ADRA1B: variants seen among roughly 807,000 people sequenced by gnomAD.
ADRA1B encodes the protein alpha-1B adrenergic receptor.
A neutral mutation model predicts 17.9 loss-of-function variants in ADRA1B; 17 were observed. The ratio of observed to expected loss-of-function variants is 0.95; its 90% CI spans 0.65 to 1.42. The LOEUF (loss-of-function observed/expected upper bound fraction) is 1.42, where lower values mean the gene tolerates loss of function less well. Among genes scored for constraint, ADRA1B ranks in the 40% most tolerant of loss-of-function variants. The pLI, the probability that ADRA1B is intolerant of heterozygous loss-of-function variation, is 0.00. For synonymous variants in ADRA1B, 366 were observed against 327.6 expected, an observed-to-expected ratio of 1.12 and a Z score of -1.27; for missense variants, 681 against 722.1, an observed-to-expected ratio of 0.94 and a Z score of 0.65.
chr5:159,959,189 G>T (rs1042790376), intron 1 of ADRA1B, among the ~76,000 whole-genome samples: 8 of 152,106 alleles, frequency 5.3e-5, no homozygotes, highest in Non-Finnish European at 1.5e-5. Flanking sequence ...TCTCTTTGAT[G>T]GTAAATAAAA....
At chr5:159,938,235 A>C (rs1351051378) in intron 1 of ADRA1B, among the ~76,000 whole-genome samples, 2 of 152,212 alleles carry the variant, frequency 1.3e-5, no homozygotes, top group African/African-American at 4.8e-5. Flanking sequence ...ATTCTGTTGA[A>C]GTATCTTGTA....
At chr5:159,943,236 GA>G (rs1755183131) in intron 1 of ADRA1B, among the ~76,000 whole-genome samples, 1 of 151,578 alleles carries the variant, frequency 6.6e-6, no homozygotes, top group African/African-American at 2.4e-5. Flanking sequence ...AATGAAAAAT[GA>G]AAAATAAAAA....
At chr5:159,878,640 C>T (rs1753826535) in intron 1 of ADRA1B, among the ~76,000 whole-genome samples, 1 of 152,138 alleles carries the variant, frequency 6.6e-6, no homozygotes, top group Non-Finnish European at 1.5e-5. Flanking sequence ...TAGGGAGTCT[C>T]CATTTTACAA....
At chr5:159,951,746 C>T (rs1450182922) in intron 1 of ADRA1B, among the ~76,000 whole-genome samples, 1 of 152,140 alleles carries the variant, frequency 6.6e-6, no homozygotes. Flanking sequence ...GTCAGAAATA[C>T]GGAGCAGAGT....
intron 1 of ADRA1B, among the ~76,000 whole-genome samples, chr5:159,901,186 G>A (rs959030755): frequency 1.7e-4 from 26 of 151,732 alleles, no homozygotes; most frequent in Non-Finnish European, 2.9e-4. Context: ...CAAAGAGTCA[G>A]AGATCAAAGA....
intron 1 of ADRA1B, chr5:159,948,089 T>C (rs1206897735): frequency 1.0e-6 from 1 of 985,336 alleles, no homozygotes; most frequent in Non-Finnish European, 1.2e-6. Flanking sequence ...AGACCGATTT[T>C]CATAGCTGAA....
intron 1 of ADRA1B, among the ~76,000 whole-genome samples, chr5:159,947,031 C>T (rs1349990086): frequency 2.0e-5 from 3 of 152,072 alleles, no homozygotes; most frequent in Non-Finnish European, 1.5e-5. Flanking sequence ...ATAATTGTTT[C>T]CATTGTACAA....
intron 1 of ADRA1B, among the ~76,000 whole-genome samples, chr5:159,903,213 G>A (rs969506662): frequency 6.6e-6 from 1 of 152,142 alleles, no homozygotes; most frequent in African/African-American, 2.4e-5. Flanking sequence ...CACCCCAAAT[G>A]TTCAAACAGG....
intron 1 of ADRA1B, among the ~76,000 whole-genome samples, chr5:159,879,574 G>A (rs1186492885): frequency 1.3e-5 from 2 of 152,160 alleles, no homozygotes; most frequent in East Asian, 1.9e-4. Flanking sequence ...TATGGGGAGG[G>A]GGGAGTGAAA....
At chr5:159,962,509 C>T (rs1755683880) in intron 1 of ADRA1B, among the ~76,000 whole-genome samples, 1 of 151,998 alleles carries the variant, frequency 6.6e-6, no homozygotes, top group Non-Finnish European at 1.5e-5. Context: ...AGGGACCTCG[C>T]ACTGGTGCTG....
chr5:159,941,507 C>T (rs1755124663), intron 1 of ADRA1B, among the ~76,000 whole-genome samples: 1 of 152,184 alleles, frequency 6.6e-6, no homozygotes, highest in Non-Finnish European at 1.5e-5. Flanking sequence ...GCCTAATGAC[C>T]CAGCAGTCCG....
intron 1 of ADRA1B, among the ~76,000 whole-genome samples, chr5:159,956,455 C>G (rs1755552421): frequency 6.6e-6 from 1 of 151,836 alleles, no homozygotes; most frequent in Non-Finnish European, 1.5e-5. Flanking sequence ...AAGCATTCTT[C>G]CCTGAAATTT....
chr5:159,958,551 A>G (rs1469048921), intron 1 of ADRA1B, among the ~76,000 whole-genome samples: 1 of 151,844 alleles, frequency 6.6e-6, no homozygotes. Flanking sequence ...ATTTCCATTG[A>G]TCTGGATATT....
At chr5:159,943,258 A>G (rs1423427765) in intron 1 of ADRA1B, among the ~76,000 whole-genome samples, 2 of 152,162 alleles carry the variant, frequency 1.3e-5, no homozygotes, top group Non-Finnish European at 2.9e-5. Flanking sequence ...TAAATAAATT[A>G]GATCATTTCA....
At chr5:159,899,775 G>A (rs746417482) in intron 1 of ADRA1B, among the ~76,000 whole-genome samples, 4 of 152,178 alleles carry the variant, frequency 2.6e-5, no homozygotes, top group Non-Finnish European at 5.9e-5. Context: ...GCTCCAAATC[G>A]GAAGTAAAGA....
chr5:159,909,331 T>G (rs1185555439), intron 1 of ADRA1B, among the ~76,000 whole-genome samples: 1 of 152,174 alleles, frequency 6.6e-6, no homozygotes, highest in African/African-American at 2.4e-5. Flanking sequence ...TCCCTTGCCT[T>G]GCTCCCCTGG....
chr5:159,940,554 T>A (rs748359202), intron 1 of ADRA1B, among the ~76,000 whole-genome samples: 3 of 152,242 alleles, frequency 2.0e-5, no homozygotes, highest in Non-Finnish European at 4.4e-5. Flanking sequence ...GAGCCCAGTT[T>A]GTCTCCCCCA....
At chr5:159,893,794 TG>T (rs1039782627) in intron 1 of ADRA1B, among the ~76,000 whole-genome samples, 5 of 152,108 alleles carry the variant, frequency 3.3e-5, no homozygotes, top group Admixed American at 2.6e-4. Context: ...TCCAGAGATT[TG>T]GGGGCTGCCC....
chr5:159,917,626 G>C lies in ADRA1B; in HGVS notation c.721G>C (p.Val241Leu). Reference sequence around the variant, plus strand: ...AACCACCAAGAACCTAGAGGCAGGAGTCATGAAGGAGATGTCCAACTCCAA... The same window carrying C: ...AACCACCAAGAACCTAGAGGCAGGACTCATGAAGGAGATGTCCAACTCCAA... ...KRTTKNLEAG[V>L]MKEMSNSKEL... The change falls in exon 1 of 2, where the codon GTC (valine) becomes CTC (leucine). Residue 241 changes from valine (V) to leucine (L), a missense_variant. Physicochemically the swap from Val to Leu is conservative, Grantham distance 32. Around this residue, in one of 3 missense-constraint regions of ADRA1B, gnomAD observed 424 missense variants for 480.2 expected, o/e 0.88. Coordinates refer to ENST00000306675, the MANE Select transcript of ADRA1B (RefSeq NM_000679.4). 1.2e-6 allele frequency: 2 copies of C among 1,613,968 alleles called. No individual in the cohort carries two copies. Among genetic ancestry groups the C allele is most frequent in the Non-Finnish European group, 1.7e-6 (2 of 1,180,012 alleles).
Sources: gnomAD v4.1 joint callset for allele counts (sites outside exome capture counted in the v4.1 genomes callset) on GRCh38, gnomAD v4.1.1 for gene constraint, gnomAD v4.1.1 regional missense constraint, MANE v1.5 for transcripts, NCBI Gene and HGNC (gene_info 2026-07-23, HGNC 2026-07-21) for gene names.